The following WDPCP variants were observed in gnomAD, a reference collection of about 807,000 sequenced individuals.
The protein encoded by WDPCP is WD repeat containing planar cell polarity effector.
A neutral mutation model predicts 93.1 loss-of-function variants in WDPCP; 71 were observed. The observed-to-expected ratio is 0.76, with a 90% CI of 0.63 to 0.93. WDPCP has a LOEUF of 0.93. Among genes scored for constraint, WDPCP ranks in the 40% least tolerant of loss-of-function variants. WDPCP has a pLI of 0.00. For synonymous variants in WDPCP, 315 were observed against 315.0 expected, an observed-to-expected ratio of 1.00 and a Z score of 0.00; for missense variants, 844 against 887.4, an observed-to-expected ratio of 0.95 and a Z score of 0.62.
chr2:63,381,480 T>C (rs760337686), intron 11 of WDPCP, among the ~76,000 whole-genome samples: 6 of 152,092 alleles, frequency 3.9e-5, no homozygotes, highest in Non-Finnish European at 7.4e-5. Context: ...TTAAGGACTA[T>C]TGTCTGGACA....
chr2:63,575,428 G>GCGTATGCAC (rs1707921015), intron 1 of WDPCP, among the ~76,000 whole-genome samples: 27 of 30,084 alleles, frequency 9.0e-4, no homozygotes, highest in South Asian at 2.5e-3. Context: ...ACTGTATACA[G>GCGTATGCAC]TGTATATACA....
At chr2:63,449,983 C>G (rs1174699479) in intron 6 of WDPCP, among the ~76,000 whole-genome samples, 1 of 152,136 alleles carries the variant, frequency 6.6e-6, no homozygotes, top group Non-Finnish European at 1.5e-5. Flanking sequence ...GAGTACTAAT[C>G]CTCGGGGAAA....
chr2:63,709,588 G>A (rs371424246), intron 2 of WDPCP, among the ~76,000 whole-genome samples: 2 of 152,142 alleles, frequency 1.3e-5, no homozygotes, highest in East Asian at 3.8e-4. Context: ...GGTCTATGTG[G>A]TGCTAATTCC....
chr2:63,738,524 A>G (rs1396217337), intron 2 of WDPCP, among the ~76,000 whole-genome samples: 1 of 151,998 alleles, frequency 6.6e-6, no homozygotes, highest in Non-Finnish European at 1.5e-5. Flanking sequence ...AAGCAATTTC[A>G]TTTTTGTCTG....
At chr2:63,339,104 A>G (rs748987613) in intron 12 of WDPCP, among the ~76,000 whole-genome samples, 24 of 152,020 alleles carry the variant, frequency 1.6e-4, no homozygotes, top group Admixed American at 2.6e-4. Context: ...CTTTGGTTAT[A>G]TTGACTCCTA....
At chr2:63,702,089 G>A (rs1031047690) in intron 2 of WDPCP, among the ~76,000 whole-genome samples, 5 of 152,082 alleles carry the variant, frequency 3.3e-5, no homozygotes, top group South Asian at 4.1e-4. Context: ...GCAATGGCAC[G>A]ATCTCTGCTC....
chr2:63,614,267 G>C lies in WDPCP; in HGVS notation n.488+36392C>G, dbSNP rs544464949. Among the ~76,000 whole-genome samples, 20 of 152,106 alleles carry C rather than the reference G, an allele frequency of 1.3e-4. No homozygotes were observed. The South Asian group carries it at 4.2e-3, about 32-fold the overall frequency. On this transcript the variant is annotated intron_variant and non_coding_transcript_variant, in intron 3 of 4. Transcript: ENST00000467687. ...TTCTTTGAGTTTCATATTTTGTATGGCTTCTGTACACACTTGCATGTTAAT... is the reference window on the plus strand; with the variant it reads ...TTCTTTGAGTTTCATATTTTGTATGCCTTCTGTACACACTTGCATGTTAAT...
At chr2:63,354,619 T>C (rs1442054031) in intron 12 of WDPCP, among the ~76,000 whole-genome samples, 1 of 152,062 alleles carries the variant, frequency 6.6e-6, no homozygotes, top group Non-Finnish European at 1.5e-5. Flanking sequence ...TAAAAATACA[T>C]ATACACATAC....
upstream of WDPCP, chr2:63,588,980 G>T: frequency 1.9e-6 from 3 of 1,612,626 alleles, no homozygotes; most frequent in African/African-American, 1.3e-5. Flanking sequence ...TTCCGCGGTA[G>T]AGGTGACCTG....
intron 2 of WDPCP, among the ~76,000 whole-genome samples, chr2:63,673,445 A>G (rs1461766519): frequency 2.0e-5 from 3 of 152,170 alleles, no homozygotes; most frequent in Non-Finnish European, 4.4e-5. Flanking sequence ...GTTCTGAGCA[A>G]GTTTTGGCCA....
chr2:63,662,704 G>A (rs1344389693), intron 2 of WDPCP, among the ~76,000 whole-genome samples: 1 of 151,870 alleles, frequency 6.6e-6, no homozygotes, highest in Non-Finnish European at 1.5e-5. Flanking sequence ...AATGTCTCCT[G>A]GAGAGAGGGG....
intron 2 of WDPCP, among the ~76,000 whole-genome samples, chr2:63,681,889 G>A (rs1046711111): frequency 2.6e-5 from 4 of 152,128 alleles, no homozygotes; most frequent in African/African-American, 4.8e-5. Flanking sequence ...AACAAGAGTC[G>A]CTGCCTGGTT....
At chr2:63,139,827 G>C (rs149744580) in intron 17 of WDPCP, among the ~76,000 whole-genome samples, 1 of 152,094 alleles carries the variant, frequency 6.6e-6, no homozygotes, top group African/African-American at 2.4e-5. Flanking sequence ...TTAGGTCCCA[G>C]CTATTTCTCT....
At chr2:63,298,338 G>A (rs921108421) in intron 13 of WDPCP, among the ~76,000 whole-genome samples, 2 of 152,010 alleles carry the variant, frequency 1.3e-5, no homozygotes, top group African/African-American at 2.4e-5. Context: ...TGATTGGATT[G>A]ACGTATGCAA....
At chr2:63,153,423 GA>G (rs1191746520) in intron 16 of WDPCP, 71 bp downstream of exon 16, 2 of 1,181,078 alleles carry the variant, frequency 1.7e-6, no homozygotes, top group African/African-American at 3.1e-5. Context: ...TTAATTTACT[GA>G]AAGTTCTTGC....
At chr2:63,834,128 C>T in the WDPCP span, among the ~76,000 whole-genome samples, 1 of 152,178 alleles carries the variant, frequency 6.6e-6, no homozygotes, top group Non-Finnish European at 1.5e-5. Flanking sequence ...TATCCTATTA[C>T]TCCATTTGTG....
intron 12 of WDPCP, among the ~76,000 whole-genome samples, chr2:63,324,718 GA>G (rs1472721824): frequency 6.6e-6 from 1 of 152,202 alleles, no homozygotes; most frequent in East Asian, 1.9e-4. Flanking sequence ...CAAAGAAAGG[GA>G]AAATTCCCTA....
intron 2 of WDPCP, chr2:63,717,403 T>C: frequency 4.8e-6 from 2 of 414,604 alleles, no homozygotes; most frequent in Non-Finnish European, 9.3e-6. Context: ...GTCTGTTTTT[T>C]TAAGGTCATG....
At chr2:63,150,154 G>T (rs1227931095) in intron 17 of WDPCP, among the ~76,000 whole-genome samples, 2 of 152,160 alleles carry the variant, frequency 1.3e-5, no homozygotes, top group Non-Finnish European at 2.9e-5. Context: ...AAAGGTACCG[G>T]TAATGTTAAT....
Sources: allele counts gnomAD v4.1 joint callset (sites outside exome capture counted in the v4.1 genomes callset), GRCh38; gene constraint gnomAD v4.1.1; transcripts MANE v1.5; gene names NCBI Gene and HGNC (gene_info 2026-07-23, HGNC 2026-07-21).